The following CNTN3 variants were observed in gnomAD, a reference collection of about 807,000 sequenced individuals.
CNTN3 encodes the protein contactin-3.
A neutral mutation model predicts 119.1 loss-of-function variants in CNTN3; 60 were observed. That is an observed-to-expected ratio of 0.50 (90% CI 0.41 to 0.62). The LOEUF is 0.62. Ranked by LOEUF, CNTN3 falls within the 20% of genes least tolerant of loss-of-function variation. The pLI, the probability that CNTN3 is intolerant of heterozygous loss-of-function variation, is 0.00. For synonymous variants in CNTN3, 450 were observed against 438.7 expected (o/e 1.03, Z -0.32); for missense variants, 1,101 against 1,242.4 (o/e 0.89, Z 1.71).
chr3:74,371,587 C>A (rs891973231), intron 5 of CNTN3, among the ~76,000 whole-genome samples, 188 bp from the exon 6 acceptor site: 1 of 151,990 alleles, frequency 6.6e-6, no homozygotes, highest in South Asian at 2.1e-4. Flanking sequence ...TAGAGGACAC[C>A]GTTGATTAGC....
At chr3:74,353,744 A>G (rs1703870900) in intron 11 of CNTN3, among the ~76,000 whole-genome samples, 1 of 152,106 alleles carries the variant, frequency 6.6e-6, no homozygotes, top group Admixed American at 6.5e-5. Context: ...GGACAGAGCG[A>G]GACTCCGTCT....
chr3:74,301,112 T>C (rs1702444186), intron 16 of CNTN3, among the ~76,000 whole-genome samples: 1 of 152,202 alleles, frequency 6.6e-6, no homozygotes, highest in Non-Finnish European at 1.5e-5. Flanking sequence ...AGGGTAACTA[T>C]GTCAGACAGT....
chr3:74,311,690 A>G (rs543308031), intron 13 of CNTN3, among the ~76,000 whole-genome samples: 28 of 152,350 alleles, frequency 1.8e-4, no homozygotes, highest in Non-Finnish European at 1.0e-4. Flanking sequence ...AAAATGGGCC[A>G]GCTAACCTGA....
intron 1 of CNTN3, among the ~76,000 whole-genome samples, chr3:74,595,075 T>C (rs1030089086): frequency 1.3e-5 from 2 of 151,996 alleles, no homozygotes; most frequent in Non-Finnish European, 2.9e-5. Context: ...TCATGTGTCT[T>C]TTGGCTGCAT....
intron 5 of CNTN3, among the ~76,000 whole-genome samples, chr3:74,407,110 T>C (rs1701335736): frequency 6.6e-6 from 1 of 152,184 alleles, no homozygotes; most frequent in Non-Finnish European, 1.5e-5. Flanking sequence ...TGTTAAGTTT[T>C]AGAATTTAAA....
chr3:74,362,355 G>C (rs1223570307), intron 10 of CNTN3, among the ~76,000 whole-genome samples: 1 of 152,210 alleles, frequency 6.6e-6, no homozygotes, highest in Non-Finnish European at 1.5e-5. Flanking sequence ...GCTCCACGAA[G>C]ACAGGAATAG....
At chr3:74,332,418 A>G (rs942429181) in intron 13 of CNTN3, among the ~76,000 whole-genome samples, 3 of 152,250 alleles carry the variant, frequency 2.0e-5, no homozygotes, top group Non-Finnish European at 4.4e-5. Flanking sequence ...AAAGAACAGA[A>G]TTGGCAAGCG....
chr3:74,501,194 C>T (rs1052363147), intron 2 of CNTN3, among the ~76,000 whole-genome samples: 1 of 151,632 alleles, frequency 6.6e-6, no homozygotes, highest in Non-Finnish European at 1.5e-5. Context: ...AAACTGGCCA[C>T]ATCAGACAGA....
intron 11 of CNTN3, among the ~76,000 whole-genome samples, chr3:74,338,419 CAT>C (rs1010268154): frequency 2.8e-4 from 42 of 151,530 alleles, no homozygotes; most frequent in South Asian, 1.0e-3. Flanking sequence ...TATGTGTATA[CAT>C]ATATGTGTAT....
At chr3:74,338,539 T>C (rs1034843007) in intron 11 of CNTN3, among the ~76,000 whole-genome samples, 1 of 151,870 alleles carries the variant, frequency 6.6e-6, no homozygotes, top group Non-Finnish European at 1.5e-5. Context: ...TCTCTCTCCA[T>C]ATTTTTCTCC....
intron 11 of CNTN3, among the ~76,000 whole-genome samples, chr3:74,342,923 C>A (rs751383837): frequency 6.6e-6 from 1 of 152,082 alleles, no homozygotes; most frequent in Non-Finnish European, 1.5e-5. Context: ...AATACTCAGA[C>A]GCACGAAGTA....
chr3:74,420,412 C>T (rs550302572), intron 5 of CNTN3, among the ~76,000 whole-genome samples: 3 of 152,186 alleles, frequency 2.0e-5, no homozygotes, highest in African/African-American at 7.2e-5. Context: ...ATCTATCTTC[C>T]CAATCTAGTT....
intron 13 of CNTN3, among the ~76,000 whole-genome samples, chr3:74,327,609 A>G (rs1252996451): frequency 2.6e-5 from 4 of 152,190 alleles, no homozygotes; most frequent in African/African-American, 9.6e-5. Flanking sequence ...AATGTTGTCA[A>G]ATAGTTTACA....
At chr3:74,487,364 C>T (rs541964196) in intron 3 of CNTN3, among the ~76,000 whole-genome samples, 6 of 152,196 alleles carry the variant, frequency 3.9e-5, no homozygotes, top group Admixed American at 1.3e-4. Context: ...AATACTCATT[C>T]ATATCCCACA....
chr3:74,485,449 A>T (rs1020662618), intron 4 of CNTN3, among the ~76,000 whole-genome samples: 1 of 152,076 alleles, frequency 6.6e-6, no homozygotes, highest in Non-Finnish European at 1.5e-5. Context: ...AAAGAACAAA[A>T]TAAATATGAA....
intron 1 of CNTN3, among the ~76,000 whole-genome samples, chr3:74,535,229 T>C (rs1200369286): frequency 6.6e-6 from 1 of 152,030 alleles, no homozygotes; most frequent in Non-Finnish European, 1.5e-5. Flanking sequence ...CTATGAATAG[T>C]TATCTGCTTA....
chr3:74,499,413 C>A (rs541262596), intron 3 of CNTN3, among the ~76,000 whole-genome samples: 1 of 151,906 alleles, frequency 6.6e-6, no homozygotes, highest in Admixed American at 6.6e-5. Flanking sequence ...TTAAACTGCA[C>A]TATACATCAA....
intron 4 of CNTN3, among the ~76,000 whole-genome samples, chr3:74,453,323 T>C (rs1702198348): frequency 6.6e-6 from 1 of 152,212 alleles, no homozygotes; most frequent in Non-Finnish European, 1.5e-5. Context: ...TGTAGTATTC[T>C]CTGATGGTAG....
At chr3:74,540,246 TG>T (rs1449923475) in intron 1 of CNTN3, among the ~76,000 whole-genome samples, 1 of 152,108 alleles carries the variant, frequency 6.6e-6, no homozygotes, top group Non-Finnish European at 1.5e-5. Context: ...ATAAAAGTAG[TG>T]GGGGCATGTG....
Sources: gnomAD v4.1 joint callset for allele counts (sites outside exome capture counted in the v4.1 genomes callset) on GRCh38, gnomAD v4.1.1 for gene constraint, MANE v1.5 for transcripts, NCBI Gene and HGNC (gene_info 2026-07-23, HGNC 2026-07-21) for gene names.